Variants in ARFGEF3 observed in about 807,000 individuals in gnomAD.
ARFGEF3 encodes the protein brefeldin A-inhibited guanine nucleotide-exchange protein 3.
A neutral mutation model predicts 221.7 loss-of-function variants in ARFGEF3; 96 were observed. The observed-to-expected ratio is 0.43, with a 90% CI of 0.37 to 0.51. ARFGEF3 has a LOEUF of 0.51. Among genes scored for constraint, ARFGEF3 ranks in the 20% least tolerant of loss-of-function variants. The pLI is 0.00. For synonymous variants in ARFGEF3, 1,145 were observed against 1,126.8 expected, an observed-to-expected ratio of 1.02 and a Z score of -0.32; for missense variants, 2,410 against 2,789.9, an observed-to-expected ratio of 0.86 and a Z score of 3.07.
At chr6:138,307,086 T>C (rs1779741776) in intron 22 of ARFGEF3, among the ~76,000 whole-genome samples, 167 bp from the exon 23 acceptor site, 1 of 152,152 alleles carries the variant, frequency 6.6e-6, no homozygotes, top group African/African-American at 2.4e-5. Context: ...ATTAATACAA[T>C]ACGGCTGATT....
chr6:138,220,704 C>T (rs1777968872), intron 4 of ARFGEF3, among the ~76,000 whole-genome samples: 2 of 152,120 alleles, frequency 1.3e-5, no homozygotes, highest in Admixed American at 6.5e-5. Context: ...AATATACTTG[C>T]TAGAAGGACA....
rs781427300 is a variant in ARFGEF3 at position 138,253,982 on chromosome 6, C to G, written c.768C>G (p.Ile256Met). Reference sequence around the variant, plus strand: ...TGCACAGGCGCTTCACGGACCTGATCTGGTGAGCACCCACTCCTGACGCCC... The same window carrying G: ...TGCACAGGCGCTTCACGGACCTGATGTGGTGAGCACCCACTCCTGACGCCC... ...MHLHRRFTDL[I>M]WKNLCPALIV... The change falls in exon 9 of 34, where the codon ATC becomes ATG. Residue 256 changes from isoleucine to methionine, a missense_variant and splice_region_variant. By Grantham distance (10) the Ile-to-Met change is conservative. Coordinates refer to ENST00000251691, the MANE Select transcript of ARFGEF3 (RefSeq NM_020340.5). The G allele has an allele frequency of 1.1e-5, 17 of 1,569,370 alleles. No homozygotes were observed. In the South Asian group the frequency reaches 2.0e-4, roughly 19 times the overall value.
chr6:138,229,482 G>T (rs1266237528), intron 4 of ARFGEF3, among the ~76,000 whole-genome samples: 3 of 152,210 alleles, frequency 2.0e-5, no homozygotes, highest in Non-Finnish European at 4.4e-5. Flanking sequence ...CTCTTTTGAG[G>T]TTTTTGCTGT....
chr6:138,208,543 G>A (rs577146514), intron 3 of ARFGEF3, among the ~76,000 whole-genome samples: 84 of 152,288 alleles, frequency 5.5e-4, no homozygotes, highest in African/African-American at 1.9e-3. Flanking sequence ...GCTGCAACTC[G>A]AAGCCCCTTT....
rs1780426093 is a variant in ARFGEF3 at position 138,341,256 on chromosome 6, T to A, written c.*4770T>A. Reference sequence around the variant, plus strand: ...TGGTACTAAATTAGTAGCACAAAGTTTGGGAATATGCAAAATAATGGATAA... The same window carrying A: ...TGGTACTAAATTAGTAGCACAAAGTATGGGAATATGCAAAATAATGGATAA... On this transcript the variant is annotated 3_prime_UTR_variant, in exon 34 of 34. Coordinates refer to ENST00000251691, the MANE Select transcript of ARFGEF3 (RefSeq NM_020340.5). 6.5e-6 allele frequency: 1 copy of A among 154,768 alleles called. No homozygotes were observed. The highest frequency in any genetic ancestry group is 2.4e-5 in the African/African-American group (1 of 41,532). The allele number at this position is 154,768 out of a possible 1,614,324, so 9.6% of individuals were successfully genotyped here. A position where few individuals can be genotyped will look rare whatever the true frequency, so the allele number is the denominator to read the frequency against.
At chr6:138,228,115 G>C (rs1778121205) in intron 4 of ARFGEF3, among the ~76,000 whole-genome samples, 1 of 151,620 alleles carries the variant, frequency 6.6e-6, no homozygotes, top group Non-Finnish European at 1.5e-5. Context: ...TTTCCCATGA[G>C]GCCAAGAGGC....
At position 138,292,682 on chromosome 6, in the gene ARFGEF3, G is replaced by A. The variant is rs79409423; in HGVS notation, c.3368+629G>A. The stretch of plus-strand genomic sequence containing the variant: ...CCCCGGCACGGGCACAGGGAGGACC[G>A]TCAGGAAGGGGACAGGAGTGGGAGG... On this transcript the variant is annotated intron_variant, in intron 19 of 33. Transcript: ENST00000251691. Among the ~76,000 whole-genome samples, 18 of 152,136 alleles carry A rather than the reference G, an allele frequency of 1.2e-4. No individual in the cohort carries two copies. In the South Asian group the frequency reaches 2.1e-3, roughly 18 times the overall value.
chr6:138,196,885 G>T (rs1478944878), intron 2 of ARFGEF3, among the ~76,000 whole-genome samples: 1 of 152,114 alleles, frequency 6.6e-6, no homozygotes, highest in African/African-American at 2.4e-5. Flanking sequence ...CCAGGCTGGA[G>T]TGCAGTGGTG....
At chr6:138,313,732 T>C in intron 25 of ARFGEF3, 63 bp from the exon 26 acceptor site, 2 of 1,378,124 alleles carry the variant, frequency 1.5e-6, no homozygotes, top group Non-Finnish European at 2.0e-6. Flanking sequence ...CATTATTCTT[T>C]AAAACCCACA....
In ARFGEF3 at chr6:138,333,899, G is replaced by A. The variant is rs765791334; in HGVS notation, c.5124-71G>A. On this transcript the variant is annotated intron_variant, in intron 32 of 33. Transcript: ENST00000251691. Reference sequence around the variant, plus strand: ...CATAGATCGTTCTGAAACGGGTAACGTCTATATTGCTTTGAGACACCTGAT... The same window carrying A: ...CATAGATCGTTCTGAAACGGGTAACATCTATATTGCTTTGAGACACCTGAT... 1.2e-5 allele frequency: 18 copies of A among 1,492,188 alleles called. No homozygotes were observed. In the Admixed American group the frequency reaches 1.9e-4, roughly 16 times the overall value. The allele number at this position is 1,492,188 out of a possible 1,614,324, so 92.4% of individuals were successfully genotyped here. A position where few individuals can be genotyped will look rare whatever the true frequency, so the allele number is the denominator to read the frequency against.
chr6:138,199,516 T>C (rs1270276093), intron 2 of ARFGEF3, among the ~76,000 whole-genome samples: 1 of 152,242 alleles, frequency 6.6e-6, no homozygotes, highest in Non-Finnish European at 1.5e-5. Context: ...GAGCATGGGA[T>C]GTGTTTCCAT....
At chr6:138,318,928 G>A (rs1037517210) in intron 27 of ARFGEF3, among the ~76,000 whole-genome samples, 4 of 152,066 alleles carry the variant, frequency 2.6e-5, no homozygotes, top group Non-Finnish European at 5.9e-5. Flanking sequence ...TAAAAATGAG[G>A]AATATGCAAA....
rs1217821063 is a variant in ARFGEF3, at chr6:138,340,817, A to C, written c.*4331A>C. ...TCTAAGTCCATAGAGTAAGCACTCT[A>C]GTATGAAAAAAAGTTTCAAGGAACG... On this transcript the variant is annotated 3_prime_UTR_variant, in exon 34 of 34. Coordinates refer to ENST00000251691, the MANE Select transcript of ARFGEF3 (RefSeq NM_020340.5). The C allele has an allele frequency of 2.6e-5, 4 of 152,210 alleles. No homozygotes were observed. The allele number at this position is 152,210 out of a possible 1,614,324, so 9.4% of individuals were successfully genotyped here. A position where few individuals can be genotyped will look rare whatever the true frequency, so the allele number is the denominator to read the frequency against.
chr6:138,219,728 G>T (rs774437611), intron 4 of ARFGEF3, among the ~76,000 whole-genome samples: 1 of 152,102 alleles, frequency 6.6e-6, no homozygotes, highest in Non-Finnish European at 1.5e-5. Context: ...ACTAATTTAA[G>T]AGATAGAGAC....
At chr6:138,314,105 T>G (rs1254459457) in intron 26 of ARFGEF3, among the ~76,000 whole-genome samples, 166 bp downstream of exon 26, 2 of 152,152 alleles carry the variant, frequency 1.3e-5, no homozygotes, top group African/African-American at 4.8e-5. Flanking sequence ...TTTCTTACAG[T>G]TCTGGAGGCT....
intron 14 of ARFGEF3, among the ~76,000 whole-genome samples, chr6:138,280,464 G>C (rs1424631176): frequency 6.6e-6 from 1 of 152,186 alleles, no homozygotes; most frequent in Non-Finnish European, 1.5e-5. Flanking sequence ...TGTAGGCCTA[G>C]GATTATTCCT....
At chr6:138,228,438 C>T (rs1190337728) in intron 4 of ARFGEF3, among the ~76,000 whole-genome samples, 2 of 151,606 alleles carry the variant, frequency 1.3e-5, no homozygotes, top group African/African-American at 4.8e-5. Flanking sequence ...CCGCCCACCT[C>T]AGCTTTGCAA....
In ARFGEF3 at chr6:138,171,704, T is replaced by A. The variant is rs549329781; in HGVS notation, c.137+991T>A. ...ATAGATTTTCTTAAATGTCTTTTTC[T>A]ATACACATATATTTTTATAAATTAA... On this transcript the variant is annotated intron_variant, in intron 2 of 33. Coordinates refer to ENST00000251691, the MANE Select transcript of ARFGEF3 (RefSeq NM_020340.5). Among the ~76,000 whole-genome samples the A allele has an allele frequency of 2.6e-5, 4 of 152,338 alleles. No individual in the cohort carries two copies. The South Asian group carries it at 8.3e-4, about 32-fold the overall frequency.
At chr6:138,244,377 A>G (rs1778447437) in intron 7 of ARFGEF3, among the ~76,000 whole-genome samples, 1 of 152,272 alleles carries the variant, frequency 6.6e-6, no homozygotes, top group Admixed American at 6.5e-5. Flanking sequence ...AGACGTTTAC[A>G]GGTTTTTTAT....
Sources: allele counts gnomAD v4.1 joint callset (sites outside exome capture counted in the v4.1 genomes callset), GRCh38; gene constraint gnomAD v4.1.1; transcripts MANE v1.5; gene names NCBI Gene and HGNC (gene_info 2026-07-23, HGNC 2026-07-21).